Variants in NKIRAS1 observed in about 807,000 individuals in gnomAD.
NKIRAS1 encodes NFKB inhibitor interacting Ras like 1.
A neutral mutation model predicts 19.8 loss-of-function variants in NKIRAS1; 16 were observed. That is an observed-to-expected ratio of 0.81 (90% confidence interval 0.55 to 1.23). NKIRAS1 has a LOEUF of 1.23. NKIRAS1 is among the 50% of genes most tolerant of loss of function. The pLI is 0.00. For missense variants in NKIRAS1, 184 were observed against 220.0 expected (o/e 0.84, Z 1.04); for synonymous variants, 88 against 79.0 (o/e 1.11, Z -0.61).
chr3:23,914,207 T>C (rs1443954486), intron 1 of NKIRAS1, among the ~76,000 whole-genome samples: 1 of 150,772 alleles, frequency 6.6e-6, no homozygotes, highest in African/African-American at 2.4e-5. Flanking sequence ...ATATATGACC[T>C]GGTCCATTCC....
rs910883996 is a variant in NKIRAS1, at chr3:23,927,650, G to A, written c.-139-16200C>T. ...TCCTAGTTAGTTAGAGACATTAACT[G>A]ATGGATGATGTAATTATCAGTCATC... On this transcript the variant is annotated intron_variant, in intron 1 of 4. Coordinates refer to the NKIRAS1 transcript ENST00000421515. This position sits in a 1 kb window ranked among gnomAD's most constrained non-coding sequence, Gnocchi z 4.0. Among the ~76,000 whole-genome samples, 2 of 152,246 alleles carry A rather than the reference G, an allele frequency of 1.3e-5. No homozygotes were observed. Among genetic ancestry groups the A allele is most frequent in the Non-Finnish European group, 2.9e-5 (2 of 68,050 alleles).
At chr3:23,921,501 C>T, upstream of NKIRAS1, 1 of 667,404 alleles carries the variant, frequency 1.5e-6, no homozygotes, top group Admixed American at 2.3e-5. Context: ...GACCGCCCCA[C>T]AAGCTGTTCC....
chr3:23,946,084 C>G (rs1371128241), intron 1 of NKIRAS1: 1 of 984,600 alleles, frequency 1.0e-6, no homozygotes, highest in African/African-American at 1.7e-5. Flanking sequence ...AGGCTCCGCC[C>G]CTTTGGAAGC....
In NKIRAS1 at chr3:23,946,321, A is replaced by G. The variant is rs1217541621; in HGVS notation, c.-140+2T>C. On this transcript the variant is annotated splice_donor_variant, in intron 1 of 4. Transcript: ENST00000421515. LOFTEE classifies it low-confidence loss of function (5UTR_SPLICE). ...CGCCTGGGGAGGCTGGTAGCTGCAT[A>G]CCTTGCAGATTCCGAGGAGGAAGTG... 1 of 982,128 alleles carries G rather than the reference A, an allele frequency of 1.0e-6. No individual in the cohort carries two copies. Among genetic ancestry groups the G allele is most frequent in the Non-Finnish European group, 1.2e-6 (1 of 827,040 alleles). The allele number at this position is 982,128 out of a possible 1,614,324, so 60.8% of individuals were successfully genotyped here. A position where few individuals can be genotyped will look rare whatever the true frequency, so the allele number is the denominator to read the frequency against.
At chr3:23,897,161 A>C (rs536558824) in intron 4 of NKIRAS1, among the ~76,000 whole-genome samples, 1 of 152,236 alleles carries the variant, frequency 6.6e-6, no homozygotes, top group African/African-American at 2.4e-5. Context: ...CAATCATGCC[A>C]TAGCTCTCAA....
At chr3:23,911,672 T>C (rs1482024228) in intron 1 of NKIRAS1, among the ~76,000 whole-genome samples, 1 of 151,978 alleles carries the variant, frequency 6.6e-6, no homozygotes, top group Admixed American at 6.6e-5. Flanking sequence ...ATAAAGTTTT[T>C]AGAAAATGGA....
At chr3:23,920,639 A>G, upstream of NKIRAS1, 1 of 985,216 alleles carries the variant, frequency 1.0e-6, no homozygotes, top group South Asian at 4.7e-5. Flanking sequence ...CTTAATTTAA[A>G]TGCTCGTTCT....
intron 3 of NKIRAS1, among the ~76,000 whole-genome samples, chr3:23,904,629 C>G (rs533084912): frequency 6.8e-6 from 1 of 147,402 alleles, no homozygotes; most frequent in Non-Finnish European, 1.5e-5. Flanking sequence ...TCCTTCAAAC[C>G]ACAGCAACTA....
upstream of NKIRAS1, chr3:23,917,644 G>A (rs976957086): frequency 5.7e-6 from 3 of 527,452 alleles, no homozygotes; most frequent in Non-Finnish European, 1.0e-5. Context: ...GCCGAGCACC[G>A]CTCTGTGCTG....
intron 1 of NKIRAS1, among the ~76,000 whole-genome samples, chr3:23,938,569 C>T (rs1057387387): frequency 6.6e-6 from 1 of 151,978 alleles, no homozygotes; most frequent in Admixed American, 6.6e-5. Flanking sequence ...TGTATATGTG[C>T]GTGATTCTTT....
At position 23,946,079 on chromosome 3, in the gene NKIRAS1, C is replaced by G. The variant is rs1438053184; in HGVS notation, c.-140+244G>C. On this transcript the variant is annotated intron_variant, in intron 1 of 4. Transcript: ENST00000421515. ...GAGCGCCGCAGCCTCCCGGGAGGCTCCGCCCCTTTGGAAGCCTCGGGGCAG... is the reference window on the plus strand; with the variant it reads ...GAGCGCCGCAGCCTCCCGGGAGGCTGCGCCCCTTTGGAAGCCTCGGGGCAG... 7.1e-6 allele frequency: 7 copies of G among 984,162 alleles called. No homozygotes were observed. The African/African-American group carries it at 1.2e-4, about 17-fold the overall frequency. The allele number at this position is 984,162 out of a possible 1,614,324, so 61.0% of individuals were successfully genotyped here. A position where few individuals can be genotyped will look rare whatever the true frequency, so the allele number is the denominator to read the frequency against.
rs190683102 is a variant in NKIRAS1 at position 23,943,938 on chromosome 3, G to A, written c.-140+2385C>T. Among the ~76,000 whole-genome samples the A allele has an allele frequency of 6.1e-5, 9 of 148,426 alleles. No homozygotes were observed. The East Asian group carries it at 1.5e-3, about 25-fold the overall frequency. On this transcript the variant is annotated intron_variant, in intron 1 of 4. Coordinates refer to the NKIRAS1 transcript ENST00000421515. ...AAGCCATTGGAGGGTTTTCAGCAGA[G>A]TAATCAGATCTTATTTACATTTTAA...
At chr3:23,939,498 C>T (rs967043446) in intron 1 of NKIRAS1, among the ~76,000 whole-genome samples, 1 of 152,212 alleles carries the variant, frequency 6.6e-6, no homozygotes, top group African/African-American at 2.4e-5. Context: ...AATCCCAGCA[C>T]TTTGGGAGGC....
chr3:23,896,052 A>G (rs1042838172), intron 4 of NKIRAS1, among the ~76,000 whole-genome samples: 6 of 142,182 alleles, frequency 4.2e-5, no homozygotes, highest in Admixed American at 7.2e-5. Context: ...GGAGAATGGC[A>G]TGAACCCGAG....
At chr3:23,893,689 T>C (rs188320266) in intron 4 of NKIRAS1, among the ~76,000 whole-genome samples, 1 of 150,098 alleles carries the variant, frequency 6.7e-6, no homozygotes, top group African/African-American at 2.5e-5. Flanking sequence ...CGCCTGTACT[T>C]GGGAGGCTGC....
rs1366833187 is a variant in NKIRAS1 at position 23,912,971 on chromosome 3, G to A, written c.-139-1521C>T. ...CTCTACTAAAAATACAAAAAATTAGGTGGGGCTTGCAGTGAGCCGAGATCA... is the reference window on the plus strand; with the variant it reads ...CTCTACTAAAAATACAAAAAATTAGATGGGGCTTGCAGTGAGCCGAGATCA... On this transcript the variant is annotated intron_variant, in intron 1 of 4. Coordinates refer to ENST00000425478, the MANE Select transcript of NKIRAS1 (RefSeq NM_020345.4). 2.7e-5 allele frequency among the ~76,000 whole-genome samples: 4 copies of A among 149,708 alleles called. No homozygotes were observed. The East Asian group carries it at 7.9e-4, about 29-fold the overall frequency.
chr3:23,901,582 T>A (rs137867964), intron 3 of NKIRAS1, among the ~76,000 whole-genome samples: 9 of 152,220 alleles, frequency 5.9e-5, no homozygotes, highest in African/African-American at 2.2e-4. Context: ...CTTTGTTTCA[T>A]TTGTGCAAGT....
intron 1 of NKIRAS1, among the ~76,000 whole-genome samples, chr3:23,929,118 T>G (rs1278963701): frequency 6.6e-6 from 1 of 152,056 alleles, no homozygotes; most frequent in Non-Finnish European, 1.5e-5. Context: ...TCCCAGCACT[T>G]TGGGAGGCTG....
chr3:23,918,262 C>T, upstream of NKIRAS1: 3 of 905,318 alleles, frequency 3.3e-6, 1 homozygote, highest in South Asian at 3.6e-5. Context: ...CAGTGTGCCT[C>T]CCTGTGTGAG....
Sources: allele counts gnomAD v4.1 joint callset (sites outside exome capture counted in the v4.1 genomes callset), GRCh38; gene constraint gnomAD v4.1.1; non-coding constraint Gnocchi (gnomAD v3.1); transcripts MANE v1.5; gene names NCBI Gene and HGNC (gene_info 2026-07-23, HGNC 2026-07-21).